DGKB: variants seen among roughly 807,000 people sequenced by gnomAD.
DGKB encodes 90 kDa diacylglycerol kinase.
A neutral mutation model predicts 114.3 loss-of-function variants in DGKB; 67 were observed. That is an observed-to-expected ratio of 0.59 (90% CI 0.48 to 0.72). The LOEUF (loss-of-function observed/expected upper bound fraction) is 0.72, where lower values mean the gene tolerates loss of function less well. Among genes scored for constraint, DGKB ranks in the 30% least tolerant of loss-of-function variants. The pLI is 0.00. For missense variants in DGKB, 907 were observed against 975.2 expected, an observed-to-expected ratio of 0.93 and a Z score of 0.93; for synonymous variants, 398 against 323.1, an observed-to-expected ratio of 1.23 and a Z score of -2.49.
chr7:14,491,121 G>A (rs1189251847), intron 20 of DGKB, among the ~76,000 whole-genome samples: 3 of 151,950 alleles, frequency 2.0e-5, no homozygotes, highest in East Asian at 1.9e-4. Flanking sequence ...ATATTGATAT[G>A]GTTTGGCTGT....
At chr7:14,286,656 T>C (rs1380302150) in intron 23 of DGKB, among the ~76,000 whole-genome samples, 1 of 152,156 alleles carries the variant, frequency 6.6e-6, no homozygotes, top group Non-Finnish European at 1.5e-5. Context: ...AAATATGCTA[T>C]AAAATACATG....
rs10238323 is a variant in DGKB, at chr7:14,736,144, G to A, written c.219C>T (p.Ala73=). The A allele has an allele frequency of 4.1e-3, 6,606 of 1,606,530 alleles. 202 individuals are homozygous for A. The African/African-American group carries it at 0.074, about 18-fold the overall frequency. The part of the protein sequence containing the change: ...FKLFMKTFLE[A]ELPDDFTAHL... ...GTGCAGTGAAATCATCAGGAAGCTC[G>A]GCTTCCAGGAATGTCTTCATGAATA... Residue 73 remains alanine (A), a synonymous_variant, in exon 5 of 26, where the codon GCC becomes GCT. Transcript: ENST00000402815.
intron 23 of DGKB, among the ~76,000 whole-genome samples, chr7:14,242,713 C>G (rs1039890032): frequency 2.6e-5 from 4 of 151,948 alleles, no homozygotes; most frequent in African/African-American, 9.7e-5. Context: ...AATTGGTGTC[C>G]TCAGAGCAAG....
At chr7:14,693,151 G>T (rs887101528) in intron 9 of DGKB, among the ~76,000 whole-genome samples, 1 of 152,036 alleles carries the variant, frequency 6.6e-6, no homozygotes, top group Non-Finnish European at 1.5e-5. Flanking sequence ...GCAGCAAAGT[G>T]GTGAATACTA....
chr7:14,589,712 T>A (rs1801365668), intron 17 of DGKB, among the ~76,000 whole-genome samples: 1 of 152,072 alleles, frequency 6.6e-6, no homozygotes, highest in African/African-American at 2.4e-5. Flanking sequence ...ATTTCTGCAT[T>A]ATTAATCATT....
At chr7:14,767,364 T>C (rs1166320419) in intron 2 of DGKB, among the ~76,000 whole-genome samples, 1 of 151,804 alleles carries the variant, frequency 6.6e-6, no homozygotes, top group Non-Finnish European at 1.5e-5. Flanking sequence ...TTAATTACCA[T>C]TCACTATTTG....
chr7:14,424,403 CT>C (rs34985830), intron 21 of DGKB, among the ~76,000 whole-genome samples: 34,670 of 149,532 alleles, frequency 0.23, 4,216 homozygotes, highest in Non-Finnish European at 0.27. Context: ...TTTTCTTCAT[CT>C]TTTTTTTTTA....
intron 21 of DGKB, among the ~76,000 whole-genome samples, chr7:14,429,194 C>G (rs998285698): frequency 2.0e-5 from 3 of 152,070 alleles, no homozygotes; most frequent in Non-Finnish European, 4.4e-5. Flanking sequence ...TGTTAAAATC[C>G]TAATCTCCCG....
At chr7:14,334,360 A>ATGTG (rs1491407829) in intron 23 of DGKB, among the ~76,000 whole-genome samples, 54 of 103,686 alleles carry the variant, frequency 5.2e-4, no homozygotes, top group African/African-American at 2.0e-3. Context: ...ATGTATATAC[A>ATGTG]TATGTGTGTG....
At chr7:14,916,133 TGAACACA>T (rs1784228488) in intron 1 of DGKB, among the ~76,000 whole-genome samples, 1 of 151,836 alleles carries the variant, frequency 6.6e-6, no homozygotes, top group East Asian at 1.9e-4. Context: ...TACTGAAAAA[TGAACACA>T]GATTAGCTGC....
In DGKB at chr7:14,622,754, C is replaced by CTT. The variant is rs199949397; in HGVS notation, c.1168-1262_1168-1261dup. Among the ~76,000 whole-genome samples the CTT allele has an allele frequency of 4.6e-5, 7 of 151,990 alleles. No individual in the cohort carries two copies. The South Asian group carries it at 8.3e-4, about 18-fold the overall frequency. On this transcript the variant is annotated intron_variant, in intron 14 of 25. Coordinates refer to ENST00000402815, the MANE Select transcript of DGKB (RefSeq NM_001350709.2). ...CTCTACACAAAAGCCAAACTCATCC[C>CTT]TTTTTTTTACCCTACTCCAGCTGCA...
intron 13 of DGKB, among the ~76,000 whole-genome samples, chr7:14,654,361 T>C (rs1163078320): frequency 6.6e-6 from 1 of 151,834 alleles, no homozygotes; most frequent in Non-Finnish European, 1.5e-5. Flanking sequence ...CAATTAAAAC[T>C]GCAAAACACT....
At chr7:14,811,210 C>G (rs958815305) in intron 2 of DGKB, among the ~76,000 whole-genome samples, 2 of 152,054 alleles carry the variant, frequency 1.3e-5, no homozygotes, top group African/African-American at 4.8e-5. Context: ...AAAAAATTAT[C>G]TGTTTATTTA....
chr7:14,604,397 A>T (rs1295928885), intron 17 of DGKB, among the ~76,000 whole-genome samples: 2 of 152,166 alleles, frequency 1.3e-5, no homozygotes, highest in Non-Finnish European at 2.9e-5. Context: ...TAAAGTTGGG[A>T]TAAAAGAAGA....
At chr7:14,926,602 G>A (rs1353137766) in intron 1 of DGKB, among the ~76,000 whole-genome samples, 1 of 150,614 alleles carries the variant, frequency 6.6e-6, no homozygotes, top group Non-Finnish European at 1.5e-5. Context: ...TATGTTTTTG[G>A]TTTGTTTTTA....
intron 1 of DGKB, among the ~76,000 whole-genome samples, chr7:14,895,765 T>C (rs1782001017): frequency 6.6e-6 from 1 of 151,620 alleles, no homozygotes; most frequent in African/African-American, 2.4e-5. Context: ...TTCATATCTC[T>C]ATATGAATCT....
chr7:14,649,256 T>C (rs1307476116), intron 13 of DGKB, among the ~76,000 whole-genome samples: 1 of 151,094 alleles, frequency 6.6e-6, no homozygotes, highest in African/African-American at 2.4e-5. Flanking sequence ...AAAGGTCGGG[T>C]TCCCCTCAAA....
intron 1 of DGKB, among the ~76,000 whole-genome samples, chr7:14,952,340 A>G (rs56938947): frequency 0.029 from 4,487 of 152,110 alleles, 216 homozygotes; most frequent in African/African-American, 0.1. Flanking sequence ...TATGACAGTC[A>G]TAGCAAACTG....
chr7:14,260,887 C>T (rs1470407732), intron 23 of DGKB, among the ~76,000 whole-genome samples: 1 of 152,088 alleles, frequency 6.6e-6, no homozygotes, highest in Non-Finnish European at 1.5e-5. Context: ...TTTGTCTACA[C>T]AGTACAAAGT....
Sources: gnomAD v4.1 joint callset for allele counts (sites outside exome capture counted in the v4.1 genomes callset) on GRCh38, gnomAD v4.1.1 for gene constraint, MANE v1.5 for transcripts, NCBI Gene and HGNC (gene_info 2026-07-23, HGNC 2026-07-21) for gene names.